Variants in ALCAM observed in about 807,000 individuals in gnomAD.
ALCAM encodes activated leukocyte cell adhesion molecule.
A neutral mutation model predicts 70.9 loss-of-function variants in ALCAM; 30 were observed. The observed-to-expected ratio is 0.42, with a 90% CI of 0.32 to 0.57. The LOEUF is 0.57. Ranked by LOEUF, ALCAM falls within the 20% of genes least tolerant of loss-of-function variation. The pLI is 0.11. For missense variants in ALCAM, 591 were observed against 695.1 expected (o/e 0.85, Z 1.68); for synonymous variants, 249 against 242.5 (o/e 1.03, Z -0.25).
chr3:105,536,969 T>C (rs1939985250), intron 6 of ALCAM, among the ~76,000 whole-genome samples: 1 of 152,110 alleles, frequency 6.6e-6, no homozygotes, highest in Non-Finnish European at 1.5e-5. Context: ...TTGTAACAAA[T>C]TCCCTGATGG....
At chr3:105,393,396 A>G (rs1258847894) in intron 1 of ALCAM, among the ~76,000 whole-genome samples, 1 of 151,912 alleles carries the variant, frequency 6.6e-6, no homozygotes, top group Non-Finnish European at 1.5e-5. Flanking sequence ...GCGAGCAAGT[A>G]TGAGAAGAAA....
chr3:105,386,706 GT>G (rs1160924576), intron 1 of ALCAM, among the ~76,000 whole-genome samples: 1 of 151,074 alleles, frequency 6.6e-6, no homozygotes. Flanking sequence ...TGAATTGAAG[GT>G]TTTTTCATTT....
At chr3:105,407,715 T>G (rs1936278357) in intron 1 of ALCAM, among the ~76,000 whole-genome samples, 2 of 152,068 alleles carry the variant, frequency 1.3e-5, no homozygotes, top group South Asian at 4.1e-4. Flanking sequence ...GGAAGTCCTA[T>G]TCAGAGCAAT....
chr3:105,420,806 T>C (rs1430856839), intron 1 of ALCAM, among the ~76,000 whole-genome samples: 3 of 151,564 alleles, frequency 2.0e-5, no homozygotes, highest in Non-Finnish European at 4.4e-5. Context: ...ATAATGGAGA[T>C]ATTGCTATGG....
intron 1 of ALCAM, among the ~76,000 whole-genome samples, chr3:105,465,013 T>A (rs2152599831): frequency 6.6e-6 from 1 of 151,508 alleles, no homozygotes; most frequent in South Asian, 2.1e-4. Flanking sequence ...TGTCTGAATT[T>A]CATATAAATG....
At chr3:105,529,994 T>A (rs1939798562) in intron 3 of ALCAM, among the ~76,000 whole-genome samples, 1 of 152,124 alleles carries the variant, frequency 6.6e-6, no homozygotes, top group East Asian at 1.9e-4. Flanking sequence ...AATTGTCAAA[T>A]ATCATCACAT....
intron 1 of ALCAM, among the ~76,000 whole-genome samples, chr3:105,379,816 G>T (rs909705548): frequency 6.6e-6 from 1 of 151,678 alleles, no homozygotes; most frequent in Non-Finnish European, 1.5e-5. Flanking sequence ...ATTTTGGAAA[G>T]TGAATAGTAT....
rs190838362 is a variant in ALCAM, at chr3:105,425,255, A to G, written c.73+57774A>G. 2.0e-5 allele frequency among the ~76,000 whole-genome samples: 3 copies of G among 151,902 alleles called. No homozygotes were observed. The East Asian group carries it at 5.8e-4, about 29-fold the overall frequency. On this transcript the variant is annotated intron_variant, in intron 1 of 15. Transcript: ENST00000306107. ...AAAATTATTTTATTTACTTGAGGTT[A>G]TGCTGTGCCTCATATGTTTGATGAC...
chr3:105,507,714 T>TA (rs1333622730), intron 1 of ALCAM, among the ~76,000 whole-genome samples: 2 of 152,260 alleles, frequency 1.3e-5, no homozygotes, highest in African/African-American at 4.8e-5. Flanking sequence ...GTAAAGCTTG[T>TA]ATAAACATTC....
chr3:105,454,456 G>C (rs937644139), intron 1 of ALCAM, among the ~76,000 whole-genome samples: 2 of 152,022 alleles, frequency 1.3e-5, no homozygotes, highest in Non-Finnish European at 2.9e-5. Context: ...CTCCCCGCAT[G>C]CTTTCCTCTA....
At chr3:105,423,817 T>C (rs1936727518) in intron 1 of ALCAM, among the ~76,000 whole-genome samples, 1 of 151,616 alleles carries the variant, frequency 6.6e-6, no homozygotes. Context: ...ACACACATTT[T>C]ACAGAAGAGA....
chr3:105,487,081 A>G (rs755430916), intron 1 of ALCAM, among the ~76,000 whole-genome samples: 1 of 151,972 alleles, frequency 6.6e-6, no homozygotes, highest in Non-Finnish European at 1.5e-5. Flanking sequence ...CTATAAAAAG[A>G]CAAGTTTTTA....
At position 105,547,165 on chromosome 3, in the gene ALCAM, G is replaced by T; in HGVS notation, c.1121G>T (p.Arg374Leu). The change falls in exon 10 of 16, where the codon CGA becomes CTA. Residue 374 changes from arginine to leucine, a missense_variant. Transcript: ENST00000306107. ...TTTAATCAGGATAACATCAGGCTTC[G>T]ATCTAGCCCGTCATTTTCTAGTCTT... The part of the protein sequence containing the change: ...VVWMKDNIRL[R>L]SSPSFSSLHY... The T allele has an allele frequency of 4.4e-6, 7 of 1,595,854 alleles. No homozygotes were observed. Among genetic ancestry groups the T allele is most frequent in the Non-Finnish European group, 6.0e-6 (7 of 1,173,050 alleles).
At chr3:105,414,868 A>G (rs767511685) in intron 1 of ALCAM, among the ~76,000 whole-genome samples, 1 of 152,146 alleles carries the variant, frequency 6.6e-6, no homozygotes, top group Non-Finnish European at 1.5e-5. Context: ...TATTTGAGAA[A>G]GATAACCCTG....
intron 1 of ALCAM, among the ~76,000 whole-genome samples, chr3:105,513,172 T>C (rs970747266): frequency 6.6e-6 from 1 of 151,544 alleles, no homozygotes; most frequent in African/African-American, 2.4e-5. Context: ...GGCCTGTGCC[T>C]TACTTAGCAT....
intron 1 of ALCAM, among the ~76,000 whole-genome samples, chr3:105,499,491 T>A (rs566720695): frequency 6.6e-6 from 1 of 152,358 alleles, no homozygotes; most frequent in Admixed American, 6.5e-5. Flanking sequence ...AACTTTAACA[T>A]GGCTTTCATT....
chr3:105,502,599 G>A (rs1938955237), intron 1 of ALCAM, among the ~76,000 whole-genome samples: 2 of 152,218 alleles, frequency 1.3e-5, no homozygotes, highest in East Asian at 3.9e-4. Context: ...TTACCCTTTT[G>A]TACAGCTGGG....
chr3:105,391,440 T>C (rs1203515226), intron 1 of ALCAM, among the ~76,000 whole-genome samples: 1 of 152,132 alleles, frequency 6.6e-6, no homozygotes, highest in Admixed American at 6.6e-5. Flanking sequence ...TTTTGTACAT[T>C]GATTTTGTAT....
intron 3 of ALCAM, among the ~76,000 whole-genome samples, chr3:105,528,329 G>A (rs1191018815): frequency 6.6e-6 from 1 of 152,126 alleles, no homozygotes; most frequent in Non-Finnish European, 1.5e-5. Flanking sequence ...ACTAGCAATA[G>A]TCTGGGTATT....
Sources: gnomAD v4.1 joint callset for allele counts (sites outside exome capture counted in the v4.1 genomes callset) on GRCh38, gnomAD v4.1.1 for gene constraint, MANE v1.5 for transcripts, NCBI Gene and HGNC (gene_info 2026-07-23, HGNC 2026-07-21) for gene names.